SEMA5A: variants seen among roughly 807,000 people sequenced by gnomAD.
The protein encoded by SEMA5A is semaphorin-5A.
Under a neutral mutation model 135.5 loss-of-function variants are expected in SEMA5A, and 55 were observed. The ratio of observed to expected loss-of-function variants is 0.41; its 90% CI spans 0.33 to 0.51. The LOEUF (loss-of-function observed/expected upper bound fraction) is 0.51, where lower values mean the gene tolerates loss of function less well. Among genes scored for constraint, SEMA5A ranks in the 20% least tolerant of loss-of-function variants. The probability of loss-of-function intolerance (pLI) is 0.37; values close to 1 mark genes in which losing one functional copy is unlikely to be tolerated. For synonymous variants in SEMA5A, 580 were observed against 546.5 expected (o/e 1.06, Z -0.85); for missense variants, 1,290 against 1,419.9 (o/e 0.91, Z 1.47).
chr5:9,035,651 A>T lies in SEMA5A; in HGVS notation c.*7246T>A, dbSNP rs989274984. 6.6e-6 allele frequency: 1 copy of T among 152,212 alleles called. No homozygotes were observed. Among genetic ancestry groups the T allele is most frequent in the Non-Finnish European group, 1.5e-5 (1 of 68,042 alleles). 9.4% of individuals were successfully genotyped at this position (152,212 alleles called of 1,614,324 possible). On this transcript the variant is annotated 3_prime_UTR_variant, in exon 23 of 23. Coordinates refer to ENST00000382496, the MANE Select transcript of SEMA5A (RefSeq NM_003966.3). Reference sequence around the variant, plus strand: ...GACAGGAAAGATAAAAGTCATGAACATTAGAAATTTCTATTGCGCACATGT... The same window carrying T: ...GACAGGAAAGATAAAAGTCATGAACTTTAGAAATTTCTATTGCGCACATGT...
At chr5:9,519,589 A>C (rs1443345379) in intron 1 of SEMA5A, among the ~76,000 whole-genome samples, 1 of 152,210 alleles carries the variant, frequency 6.6e-6, no homozygotes. Flanking sequence ...ACAGCTTGCC[A>C]CTGAGCCCTC....
At chr5:9,286,145 C>T (rs997078544) in intron 5 of SEMA5A, among the ~76,000 whole-genome samples, 3 of 152,014 alleles carry the variant, frequency 2.0e-5, no homozygotes, top group Admixed American at 1.3e-4. Context: ...GAGTTCGTTC[C>T]ACCATATTGA....
intron 6 of SEMA5A, among the ~76,000 whole-genome samples, chr5:9,234,994 G>A (rs1307414297): frequency 5.9e-5 from 9 of 152,092 alleles, no homozygotes; most frequent in Non-Finnish European, 8.8e-5. Context: ...CAATGATCAC[G>A]GCTTAAGGCA....
intron 10 of SEMA5A, among the ~76,000 whole-genome samples, chr5:9,192,059 T>G (rs1290367422): frequency 2.7e-5 from 1 of 36,444 alleles, no homozygotes; most frequent in Non-Finnish European, 5.0e-5. Flanking sequence ...TGAGTTTAGG[T>G]GAAGGGCTCA....
At chr5:9,451,391 C>T (rs1475486590) in intron 1 of SEMA5A, among the ~76,000 whole-genome samples, 2 of 152,184 alleles carry the variant, frequency 1.3e-5, no homozygotes, top group Non-Finnish European at 2.9e-5. Flanking sequence ...AACAAACTGC[C>T]TTGCCCTATG....
intron 16 of SEMA5A, among the ~76,000 whole-genome samples, chr5:9,094,089 T>C (rs780891293): frequency 6.6e-6 from 1 of 152,166 alleles, no homozygotes; most frequent in African/African-American, 2.4e-5. Flanking sequence ...TGAATTATGT[T>C]TTTTTCTCCT....
intron 1 of SEMA5A, among the ~76,000 whole-genome samples, chr5:9,448,278 T>C (rs1758506191): frequency 6.6e-6 from 1 of 152,204 alleles, no homozygotes; most frequent in Non-Finnish European, 1.5e-5. Context: ...CCAGAGTCTA[T>C]CCCAACTGCC....
chr5:9,384,599 G>GATAGATAGATAC (rs1561207721), intron 2 of SEMA5A, among the ~76,000 whole-genome samples: 59 of 112,814 alleles, frequency 5.2e-4, no homozygotes, highest in Non-Finnish European at 7.2e-4. Flanking sequence ...TAGATAGATA[G>GATAGATAGATAC]ATAGATAGAT....
intron 3 of SEMA5A, among the ~76,000 whole-genome samples, chr5:9,352,349 G>T (rs1049718124): frequency 2.8e-5 from 4 of 143,126 alleles, no homozygotes; most frequent in African/African-American, 8.8e-5. Context: ...CATCTATCTA[G>T]CTATCTAGCT....
intron 12 of SEMA5A, among the ~76,000 whole-genome samples, chr5:9,151,928 T>C (rs952352583): frequency 1.3e-5 from 2 of 152,164 alleles, no homozygotes; most frequent in Non-Finnish European, 2.9e-5. Context: ...GAGGGAACAG[T>C]GAACTCCTCC....
intron 11 of SEMA5A, among the ~76,000 whole-genome samples, chr5:9,172,059 C>G (rs1280015051): frequency 2.9e-5 from 3 of 102,434 alleles, no homozygotes; most frequent in African/African-American, 1.3e-4. Context: ...TCCTGGCATG[C>G]CCTGACTCCA....
chr5:9,074,910 A>G (rs974667169), intron 16 of SEMA5A, among the ~76,000 whole-genome samples: 1 of 152,174 alleles, frequency 6.6e-6, no homozygotes, highest in African/African-American at 2.4e-5. Context: ...CACCTGGTGC[A>G]TGTATTTGGA....
chr5:9,222,046 G>A (rs1747031773), intron 8 of SEMA5A, among the ~76,000 whole-genome samples: 1 of 152,200 alleles, frequency 6.6e-6, no homozygotes, highest in Non-Finnish European at 1.5e-5. Flanking sequence ...CAGAAGCCAA[G>A]GGGTGGCCCC....
At chr5:9,201,906 T>C (rs372757233) in intron 9 of SEMA5A, 49 bp downstream of exon 9, 29 of 1,526,026 alleles carry the variant, frequency 1.9e-5, no homozygotes, top group Non-Finnish European at 2.5e-5. Context: ...AGAAGACTTA[T>C]TCAGAATGAG....
chr5:9,162,127 T>A (rs1248513186), intron 11 of SEMA5A, among the ~76,000 whole-genome samples: 1 of 152,158 alleles, frequency 6.6e-6, no homozygotes, highest in Non-Finnish European at 1.5e-5. Context: ...CTTTGTAGAG[T>A]TTTCTATCTA....
chr5:9,206,379 A>G (rs1746015904), intron 8 of SEMA5A, among the ~76,000 whole-genome samples: 1 of 152,184 alleles, frequency 6.6e-6, no homozygotes, highest in South Asian at 2.1e-4. Flanking sequence ...TTTATTTTGC[A>G]TATTTACTTA....
At position 9,042,869 on chromosome 5, in the gene SEMA5A, T is replaced by G; in HGVS notation, c.*28A>C. 1 of 1,613,406 alleles carries G rather than the reference T, an allele frequency of 6.2e-7. No individual in the cohort carries two copies. Among genetic ancestry groups the G allele is most frequent in the Non-Finnish European group, 8.5e-7 (1 of 1,179,644 alleles). ...GCACAGGCCTTGAGGAACTGGGGAT[T>G]TACAAGAAGCCAAAAACATGAAAGC... On this transcript the variant is annotated 3_prime_UTR_variant, in exon 23 of 23. Coordinates refer to ENST00000382496, the MANE Select transcript of SEMA5A (RefSeq NM_003966.3).
At chr5:9,353,444 G>A (rs1258203092) in intron 3 of SEMA5A, among the ~76,000 whole-genome samples, 1 of 151,254 alleles carries the variant, frequency 6.6e-6, no homozygotes, top group Non-Finnish European at 1.5e-5. Context: ...TTTAAAGTAA[G>A]AAGGAACCAC....
intron 15 of SEMA5A, among the ~76,000 whole-genome samples, chr5:9,117,137 A>C (rs1740558171): frequency 6.6e-6 from 1 of 152,202 alleles, no homozygotes; most frequent in African/African-American, 2.4e-5. Flanking sequence ...TCCCTCAAAC[A>C]CACTTGTCAT....
Sources: gnomAD v4.1 joint callset for allele counts (sites outside exome capture counted in the v4.1 genomes callset) on GRCh38, gnomAD v4.1.1 for gene constraint, MANE v1.5 for transcripts, NCBI Gene and HGNC (gene_info 2026-07-23, HGNC 2026-07-21) for gene names.